Variants in MEF2C observed in about 807,000 individuals in gnomAD.
MEF2C encodes myocyte-specific enhancer factor 2C.
MEF2C carries 6 observed loss-of-function variants against 50.5 expected under a neutral mutation model. That is an observed-to-expected ratio of 0.12 (90% confidence interval 0.07 to 0.23). MEF2C has a LOEUF of 0.23. Among genes scored for constraint, MEF2C ranks in the 10% least tolerant of loss-of-function variants. The pLI is 1.00. For missense variants in MEF2C, 276 were observed against 605.0 expected (o/e 0.46, Z 5.70); for synonymous variants, 183 against 228.0 (o/e 0.80, Z 1.78).
intron 1 of MEF2C, among the ~76,000 whole-genome samples, chr5:88,888,655 C>A (rs1036255676): frequency 6.6e-6 from 1 of 151,850 alleles, no homozygotes; most frequent in Non-Finnish European, 1.5e-5. Flanking sequence ...ATACACATCT[C>A]CCAGGGCCTA....
At chr5:88,739,972 T>C in intron 6 of MEF2C, 2 of 985,088 alleles carry the variant, frequency 2.0e-6, no homozygotes, top group South Asian at 9.4e-5. Flanking sequence ...TATATAATAA[T>C]GCATAATGTT....
Position 88,719,339 on chromosome 5 carries a change from T to C in MEF2C, c.*3265A>G, listed in dbSNP as rs990066478. 4 of 152,206 alleles carry C rather than the reference T, an allele frequency of 2.6e-5. No individual in the cohort carries two copies. Among genetic ancestry groups the C allele is most frequent in the Non-Finnish European group, 5.9e-5 (4 of 68,016 alleles). 9.4% of individuals were successfully genotyped at this position (152,206 alleles called of 1,614,324 possible). On this transcript the variant is annotated 3_prime_UTR_variant, in exon 11 of 11. Coordinates refer to ENST00000504921, the MANE Select transcript of MEF2C (RefSeq NM_002397.5). Reference sequence around the variant, plus strand: ...CCATTTTACTAAAAAACACAATTTTTAAAAAGGTTGAAATAAACAGCCTCC... The same window carrying C: ...CCATTTTACTAAAAAACACAATTTTCAAAAAGGTTGAAATAAACAGCCTCC...
intron 1 of MEF2C, among the ~76,000 whole-genome samples, chr5:88,835,145 A>G (rs576177196): frequency 9.8e-5 from 15 of 152,314 alleles, no homozygotes; most frequent in African/African-American, 3.4e-4. Context: ...TATGGATAAC[A>G]CCATGAAGAA....
chr5:88,817,411 C>T (rs11955542), intron 2 of MEF2C, among the ~76,000 whole-genome samples: 5,974 of 152,038 alleles, frequency 0.039, 180 homozygotes, highest in South Asian at 0.057. Flanking sequence ...TGCATCTACA[C>T]TGAACACATT....
intron 1 of MEF2C, among the ~76,000 whole-genome samples, chr5:88,840,862 G>C (rs184059723): frequency 3.3e-5 from 5 of 152,264 alleles, no homozygotes; most frequent in Admixed American, 3.3e-4. Flanking sequence ...ATGTCATATG[G>C]AAGAAAATCA....
At chr5:88,798,005 G>T (rs567777774) in intron 3 of MEF2C, among the ~76,000 whole-genome samples, 8 of 152,296 alleles carry the variant, frequency 5.3e-5, no homozygotes, top group African/African-American at 1.9e-4. Flanking sequence ...GGTTTCTGTA[G>T]AGAGATCTGC....
intron 3 of MEF2C, among the ~76,000 whole-genome samples, chr5:88,783,192 T>A (rs1251167402): frequency 2.6e-5 from 4 of 152,224 alleles, no homozygotes; most frequent in African/African-American, 9.7e-5. Context: ...ACTGCCATCA[T>A]GGTCGTCGTT....
At chr5:88,725,271 A>C (rs770858217) in intron 10 of MEF2C, among the ~76,000 whole-genome samples, 8 of 152,140 alleles carry the variant, frequency 5.3e-5, no homozygotes, top group Non-Finnish European at 8.8e-5. Flanking sequence ...TTTGACACTG[A>C]AAACATACAT....
intron 6 of MEF2C, chr5:88,740,315 C>T: frequency 1.0e-6 from 1 of 984,626 alleles, no homozygotes; most frequent in Non-Finnish European, 1.2e-6. Context: ...TAACGTACAG[C>T]ACATACTGTG....
At chr5:88,742,360 G>A in intron 6 of MEF2C, 5 of 984,898 alleles carry the variant, frequency 5.1e-6, no homozygotes, top group Non-Finnish European at 6.0e-6. Flanking sequence ...GACAAATTCT[G>A]AATAAAACTA....
chr5:88,839,457 TC>T, intron 1 of MEF2C: 1 of 152,230 alleles, frequency 6.6e-6, no homozygotes, highest in Non-Finnish European at 1.5e-5. Context: ...TGCTTCTATA[TC>T]CCATGCACTC....
rs1244806397 is a variant in MEF2C at position 88,845,864 on chromosome 5, G to A, written c.-142-21934C>T. ...TCCTGCCTCAGCCTCCCAAGTAGCT[G>A]AGACTACAGGTGCACGCCACAACAC... On this transcript the variant is annotated intron_variant, in intron 1 of 10. Transcript: ENST00000504921. 2.6e-5 allele frequency among the ~76,000 whole-genome samples: 4 copies of A among 152,158 alleles called. No homozygotes were observed. The South Asian group carries it at 8.3e-4, about 32-fold the overall frequency.
At chr5:88,772,404 G>C (rs1782765904) in intron 3 of MEF2C, 1 of 152,252 alleles carries the variant, frequency 6.6e-6, no homozygotes. Context: ...CCAGGCTTAA[G>C]AGAGGTAAAG....
intron 1 of MEF2C, among the ~76,000 whole-genome samples, chr5:88,899,370 A>G (rs903171215): frequency 7.9e-5 from 12 of 152,166 alleles, no homozygotes; most frequent in African/African-American, 2.9e-4. Context: ...AATATTCCAG[A>G]TTCCTTTTGA....
intron 3 of MEF2C, among the ~76,000 whole-genome samples, chr5:88,797,973 C>T (rs2153020986): frequency 6.6e-6 from 1 of 152,258 alleles, no homozygotes; most frequent in South Asian, 2.1e-4. Flanking sequence ...AATATTGGCC[C>T]CCATTCTCTT....
At chr5:88,778,182 A>G (rs1785864819) in intron 3 of MEF2C, among the ~76,000 whole-genome samples, 1 of 152,088 alleles carries the variant, frequency 6.6e-6, no homozygotes, top group South Asian at 2.1e-4. Flanking sequence ...TGCTGGGATT[A>G]CAAGCGTGAG....
At chr5:88,853,295 T>C (rs904128667) in intron 1 of MEF2C, among the ~76,000 whole-genome samples, 4 of 152,292 alleles carry the variant, frequency 2.6e-5, no homozygotes, top group African/African-American at 9.6e-5. Flanking sequence ...GAGTGTGCAA[T>C]GAGTAGTGAG....
At position 88,821,887 on chromosome 5, in the gene MEF2C, A is replaced by T. The variant is rs549269789; in HGVS notation, c.54+1848T>A. 3.3e-5 allele frequency among the ~76,000 whole-genome samples: 5 copies of T among 152,040 alleles called. No individual in the cohort carries two copies. In the East Asian group the frequency reaches 9.7e-4, roughly 30 times the overall value. ...ACTACAGTTAACAAGAATTTATCAT[A>T]TATTTGAAAGTAATTAAAAGAGTAG... is the stretch of plus-strand genomic sequence containing the variant. On this transcript the variant is annotated intron_variant, in intron 2 of 10. Coordinates refer to ENST00000504921, the MANE Select transcript of MEF2C (RefSeq NM_002397.5).
intron 2 of MEF2C, among the ~76,000 whole-genome samples, chr5:88,817,478 G>A (rs182903518): frequency 6.6e-6 from 1 of 152,046 alleles, no homozygotes; most frequent in Admixed American, 6.6e-5. Context: ...TGAAGAGACT[G>A]AGATGGGGAC....
Sources: gnomAD v4.1 joint callset for allele counts (sites outside exome capture counted in the v4.1 genomes callset) on GRCh38, gnomAD v4.1.1 for gene constraint, MANE v1.5 for transcripts, NCBI Gene and HGNC (gene_info 2026-07-23, HGNC 2026-07-21) for gene names.